The following LANCL3 variants were observed in gnomAD, a reference collection of about 807,000 sequenced individuals.
LANCL3 encodes lanC-like protein 3.
In LANCL3, 19 loss-of-function variants were observed where a neutral mutation model predicts 26.5. The ratio of observed to expected loss-of-function variants is 0.72; its 90% CI spans 0.50 to 1.05. The LOEUF (loss-of-function observed/expected upper bound fraction) is 1.05. Ranked by LOEUF, LANCL3 falls within the 50% of genes least tolerant of loss-of-function variation. The probability of loss-of-function intolerance (pLI) is 0.00; values close to 1 mark genes in which losing one functional copy is unlikely to be tolerated. For synonymous variants in LANCL3, 160 were observed against 166.6 expected (o/e 0.96, Z 0.30); for missense variants, 318 against 362.7 (o/e 0.88, Z 1.00).
rs1286026540 is a variant in LANCL3 at position 37,684,319 on chromosome X, A to G, written c.*8506A>G. Reference sequence around the variant, plus strand: ...TATTCGTTTTGTACTGTAGAAAATAATTCGCTATAAACTGGACTTTATAGT... The same window carrying G: ...TATTCGTTTTGTACTGTAGAAAATAGTTCGCTATAAACTGGACTTTATAGT... On this transcript the variant is annotated 3_prime_UTR_variant, in exon 5 of 5. Coordinates refer to ENST00000378619, the MANE Select transcript of LANCL3 (RefSeq NM_001170331.2). 3 of 112,871 alleles carry G rather than the reference A, an allele frequency of 2.7e-5. No individual in the cohort carries two copies. Among genetic ancestry groups the G allele is most frequent in the Non-Finnish European group, 5.6e-5 (3 of 53,366 alleles). 9.3% of individuals were successfully genotyped at this position (112,871 alleles called of 1,213,427 possible).
rs148862582 is a variant in LANCL3, at chrX:37,626,891, C to G, written c.574-28797C>G. 4.4e-3 allele frequency among the ~76,000 whole-genome samples: 492 copies of G among 111,809 alleles called. 4 individuals carry two copies. The highest frequency in any genetic ancestry group is 0.015 in the African/African-American group (473 of 30,838). Reference sequence around the variant, plus strand: ...AATTAATAATAAGCAGCTTCTTGTTCCCTGTGAGTAACGCCCTTGTTACTT... The same window carrying G: ...AATTAATAATAAGCAGCTTCTTGTTGCCTGTGAGTAACGCCCTTGTTACTT... On this transcript the variant is annotated intron_variant, in intron 1 of 4. Coordinates refer to ENST00000378619, the MANE Select transcript of LANCL3 (RefSeq NM_001170331.2).
At chrX:37,604,781 G>A (rs1287770684) in intron 1 of LANCL3, among the ~76,000 whole-genome samples, 1 of 112,591 alleles carries the variant, frequency 8.9e-6, no homozygotes, top group African/African-American at 3.2e-5. Context: ...CAGCCAGTTC[G>A]AACAAAGCAA....
At chrX:37,619,360 A>G (rs1023364907) in intron 1 of LANCL3, among the ~76,000 whole-genome samples, 1 of 111,479 alleles carries the variant, frequency 9.0e-6, no homozygotes, top group Non-Finnish European at 1.9e-5. Context: ...CTCCTTGAGG[A>G]TGTTTCCTGA....
intron 1 of LANCL3, among the ~76,000 whole-genome samples, chrX:37,619,315 C>T (rs782683708): frequency 9.0e-6 from 1 of 111,267 alleles, no homozygotes; most frequent in Non-Finnish European, 1.9e-5. Flanking sequence ...AATCAAGATC[C>T]CCTTTTCACA....
At chrX:37,611,367 G>T (rs1305710703) in intron 1 of LANCL3, among the ~76,000 whole-genome samples, 1 of 111,143 alleles carries the variant, frequency 9.0e-6, no homozygotes, top group Non-Finnish European at 1.9e-5. Flanking sequence ...CGTGGCTGTG[G>T]TGGGTTTTTT....
intron 2 of LANCL3, among the ~76,000 whole-genome samples, chrX:37,659,141 C>T (rs1424969263): frequency 8.9e-6 from 1 of 112,770 alleles, no homozygotes; most frequent in Non-Finnish European, 1.9e-5. Context: ...TAAATATTTT[C>T]AGCTTTCTGG....
At chrX:37,639,589 G>A (rs1478589102) in intron 1 of LANCL3, among the ~76,000 whole-genome samples, 3 of 110,826 alleles carry the variant, frequency 2.7e-5, no homozygotes, top group East Asian at 2.8e-4. Flanking sequence ...AGTCTAGTCT[G>A]TGACTAGGAA....
At chrX:37,633,148 CG>C (rs1197217782) in intron 1 of LANCL3, among the ~76,000 whole-genome samples, 2 of 92,585 alleles carry the variant, frequency 2.2e-5, no homozygotes, top group Non-Finnish European at 4.2e-5. Flanking sequence ...AGGCTTTGTT[CG>C]TTTTTTTTTT....
chrX:37,663,585 G>C (rs151330098), intron 3 of LANCL3, among the ~76,000 whole-genome samples: 5,398 of 111,405 alleles, frequency 0.048, 143 homozygotes, highest in Non-Finnish European at 0.074. Context: ...GGGTAATAGG[G>C]AGTCATTTAG....
chrX:37,630,674 T>C (rs1925470153), intron 1 of LANCL3, among the ~76,000 whole-genome samples: 1 of 110,492 alleles, frequency 9.1e-6, no homozygotes, highest in Non-Finnish European at 1.9e-5. Context: ...TTGTTGAATT[T>C]TGTCAAAGGC....
At chrX:37,658,359 A>G (rs1265853751) in intron 2 of LANCL3, among the ~76,000 whole-genome samples, 1 of 112,286 alleles carries the variant, frequency 8.9e-6, no homozygotes, top group Non-Finnish European at 1.9e-5. Context: ...CCAATAATGT[A>G]AGTTCCAGTT....
chrX:37,610,662 C>T (rs1556421052), intron 1 of LANCL3, among the ~76,000 whole-genome samples: 1 of 111,413 alleles, frequency 9.0e-6, no homozygotes, highest in African/African-American at 3.3e-5. Flanking sequence ...ATTTTGGCCA[C>T]TTATAAACAC....
intron 1 of LANCL3, among the ~76,000 whole-genome samples, chrX:37,597,107 G>A (rs1393050123): frequency 8.9e-6 from 1 of 111,942 alleles, no homozygotes; most frequent in Non-Finnish European, 1.9e-5. Context: ...TTTGGTGACT[G>A]GCTTCTTTCA....
At chrX:37,622,211 A>G (rs1556422344) in intron 1 of LANCL3, among the ~76,000 whole-genome samples, 2 of 111,314 alleles carry the variant, frequency 1.8e-5, no homozygotes. Context: ...CATAAAGGAA[A>G]GTTTCCAATG....
At chrX:37,647,327 C>CA (rs1348031982) in intron 1 of LANCL3, among the ~76,000 whole-genome samples, 2 of 109,026 alleles carry the variant, frequency 1.8e-5, no homozygotes, top group East Asian at 2.9e-4. Flanking sequence ...AACAAAAAAA[C>CA]AAAAAAACAA....
chrX:37,660,658 C>A (rs1402757191), intron 3 of LANCL3, among the ~76,000 whole-genome samples: 1 of 111,180 alleles, frequency 9.0e-6, no homozygotes, highest in Non-Finnish European at 1.9e-5. Flanking sequence ...ATGCTTCAAT[C>A]CCACAAGCAC....
intron 1 of LANCL3, among the ~76,000 whole-genome samples, chrX:37,584,626 C>T (rs1386367920): frequency 9.0e-6 from 1 of 111,700 alleles, no homozygotes; most frequent in Admixed American, 9.5e-5. Context: ...ATAGTATTCT[C>T]TGATGGTAGT....
chrX:37,609,691 T>TAA (rs200978939), intron 1 of LANCL3, among the ~76,000 whole-genome samples: 2 of 108,516 alleles, frequency 1.8e-5, no homozygotes, highest in East Asian at 2.9e-4. Context: ...GTGGATGGGA[T>TAA]AAAAAAAAAC....
chrX:37,654,543 A>G (rs368229582), intron 1 of LANCL3, among the ~76,000 whole-genome samples: 5 of 112,187 alleles, frequency 4.5e-5, no homozygotes, highest in Non-Finnish European at 9.4e-5. Context: ...GGTTCTGTCT[A>G]TCTTGCTCAC....
Sources: gnomAD v4.1 joint callset for allele counts (sites outside exome capture counted in the v4.1 genomes callset) on GRCh38, gnomAD v4.1.1 for gene constraint, MANE v1.5 for transcripts, NCBI Gene and HGNC (gene_info 2026-07-23, HGNC 2026-07-21) for gene names.